The following SCARB2 variants were observed in gnomAD, a reference collection of about 807,000 sequenced individuals.
The protein encoded by SCARB2 is scavenger receptor class B member 2, also known as lysosome membrane protein 2.
In SCARB2, 29 loss-of-function variants were observed where a neutral mutation model predicts 58.6. That is an observed-to-expected ratio of 0.49 (90% CI 0.37 to 0.67). SCARB2 has a LOEUF of 0.67. Ranked by LOEUF, SCARB2 falls within the 30% of genes least tolerant of loss-of-function variation. The pLI is 0.00. For missense variants in SCARB2, 488 were observed against 578.5 expected (o/e 0.84, Z 1.60); for synonymous variants, 195 against 210.1 (o/e 0.93, Z 0.62).
At chr4:76,232,116 G>T (rs1733503109) in intron 1 of SCARB2, among the ~76,000 whole-genome samples, 1 of 152,108 alleles carries the variant, frequency 6.6e-6, no homozygotes, top group Admixed American at 6.6e-5. Flanking sequence ...TTCAAATTTT[G>T]GTTACAGAAG....
chr4:76,181,051 A>G lies in SCARB2; in HGVS notation c.326T>C (p.Ile109Thr). Residue 109 changes from isoleucine to threonine, a missense_variant, in exon 3 of 12, where the codon ATA becomes ACA. Transcript: ENST00000264896. Reference protein sequence around the residue: ...NIQFGDNGTTISAVSNKAYVF... With the variant: ...NIQFGDNGTTTSAVSNKAYVF... Reference sequence around the variant, plus strand: ...ATAGGCCTTGTTGCTAACAGCAGATATTGTTGTTCCATTATCTCCAAATTG... The same window carrying G: ...ATAGGCCTTGTTGCTAACAGCAGATGTTGTTGTTCCATTATCTCCAAATTG... The G allele has an allele frequency of 1.2e-6, 2 of 1,613,586 alleles. No homozygotes were observed. Among genetic ancestry groups the G allele is most frequent in the Non-Finnish European group, 1.7e-6 (2 of 1,179,678 alleles).
chr4:76,170,971 T>TATATATATATATATAA (rs34900504), intron 7 of SCARB2, among the ~76,000 whole-genome samples: 1,408 of 133,600 alleles, frequency 0.011, 32 homozygotes, highest in Admixed American at 0.04. Flanking sequence ...TATATATATA[T>TATATATATATATATAA]AACCAAATAG....
At chr4:76,178,147 G>GAA (rs1732291093) in intron 4 of SCARB2, among the ~76,000 whole-genome samples, 2 of 152,132 alleles carry the variant, frequency 1.3e-5, no homozygotes, top group South Asian at 4.1e-4. Context: ...TTCAATTAAG[G>GAA]TTTCTTCAAT....
At chr4:76,171,035 G>A (rs1345522736) in intron 7 of SCARB2, among the ~76,000 whole-genome samples, 2 of 151,102 alleles carry the variant, frequency 1.3e-5, no homozygotes, top group East Asian at 3.9e-4. Context: ...GAAAAGAAGA[G>A]AGGGACCCAA....
intron 10 of SCARB2, chr4:76,163,685 T>C (rs1478044078): frequency 2.4e-6 from 1 of 414,882 alleles, no homozygotes; most frequent in African/African-American, 2.0e-5. Context: ...CAATTCATCC[T>C]TAAAAATCCA....
intron 1 of SCARB2, among the ~76,000 whole-genome samples, chr4:76,223,090 C>T (rs188847456): frequency 6.6e-6 from 1 of 152,296 alleles, no homozygotes; most frequent in East Asian, 1.9e-4. Context: ...TTTGTGGGGG[C>T]TGGTAGCAGA....
chr4:76,161,458 T>C lies in SCARB2; in HGVS notation c.*255A>G, dbSNP rs139285303. The C allele has an allele frequency of 3.1e-3, 1,680 of 549,442 alleles. 4 individuals carry two copies. The highest frequency in any genetic ancestry group is 3.9e-3 in the Non-Finnish European group (1,184 of 305,644). The allele number at this position is 549,442 out of a possible 1,614,324, so 34.0% of individuals were successfully genotyped here. On this transcript the variant is annotated 3_prime_UTR_variant, in exon 12 of 12. Coordinates refer to ENST00000264896, the MANE Select transcript of SCARB2 (RefSeq NM_005506.4). ...GCACCCAACAACAACAAAATTACTA[T>C]ACAAGGGTTTATTAAATACTTGCTA... is the stretch of plus-strand genomic sequence containing the variant.
upstream of SCARB2, among the ~76,000 whole-genome samples, chr4:76,218,358 A>G (rs541694504): frequency 2.7e-4 from 41 of 152,306 alleles, no homozygotes; most frequent in Admixed American, 2.6e-3. Flanking sequence ...CATCATTCCA[A>G]AGTTCTTACA....
At chr4:76,175,261 T>C (rs1732228953) in intron 6 of SCARB2, 1 of 160,344 alleles carries the variant, frequency 6.2e-6, no homozygotes, top group Non-Finnish European at 1.4e-5. Context: ...ATTCCATTCC[T>C]TCTCTGCCTC....
chr4:76,176,602 C>T, intron 4 of SCARB2, 74 bp from the exon 5 acceptor site: 1 of 1,050,686 alleles, frequency 9.5e-7, no homozygotes, highest in Non-Finnish European at 1.5e-6. Flanking sequence ...CTATGGTGCC[C>T]AGTTGTTTGG....
chr4:76,167,025 T>A (rs1732022903), intron 9 of SCARB2, among the ~76,000 whole-genome samples: 1 of 152,150 alleles, frequency 6.6e-6, no homozygotes, highest in Non-Finnish European at 1.5e-5. Flanking sequence ...TTATGCATAG[T>A]TTTGCATCCT....
At chr4:76,220,504 A>G (rs1733288945) in intron 1 of SCARB2, among the ~76,000 whole-genome samples, 1 of 152,156 alleles carries the variant, frequency 6.6e-6, no homozygotes, top group Non-Finnish European at 1.5e-5. Context: ...GCATGCACCT[A>G]TAGTCCCAGC....
chr4:76,174,572 A>G, intron 6 of SCARB2: 1 of 443,554 alleles, frequency 2.3e-6, no homozygotes, highest in Admixed American at 3.5e-5. Context: ...TTAAGATGAT[A>G]ACATTTAGAA....
At chr4:76,166,076 C>G in intron 10 of SCARB2, 174 bp downstream of exon 10, 1 of 735,962 alleles carries the variant, frequency 1.4e-6, no homozygotes, top group South Asian at 1.6e-5. Flanking sequence ...CAAATCAGCT[C>G]TCAGACACAG....
intron 1 of SCARB2, among the ~76,000 whole-genome samples, chr4:76,227,056 T>C (rs1733410946): frequency 6.6e-6 from 1 of 152,114 alleles, no homozygotes; most frequent in Non-Finnish European, 1.5e-5. Context: ...TTATTTCTTT[T>C]CTTCTGCTGG....
At chr4:76,225,542 T>C (rs973307996) in intron 1 of SCARB2, among the ~76,000 whole-genome samples, 5 of 152,222 alleles carry the variant, frequency 3.3e-5, no homozygotes, top group Admixed American at 2.0e-4. Context: ...ATGGCTTTTA[T>C]TACCTTAAGG....
At chr4:76,181,465 T>A (rs1732383288) in intron 2 of SCARB2, among the ~76,000 whole-genome samples, 1 of 152,218 alleles carries the variant, frequency 6.6e-6, no homozygotes, top group African/African-American at 2.4e-5. Context: ...TTAGTTTGAA[T>A]TTCAATTTGT....
At chr4:76,217,956 A>G (rs1043548352), upstream of SCARB2, among the ~76,000 whole-genome samples, 2 of 152,272 alleles carry the variant, frequency 1.3e-5, no homozygotes, top group African/African-American at 4.8e-5. Flanking sequence ...TGTTGATACT[A>G]TACTCAAATG....
chr4:76,202,182 C>T (rs1202283036), intron 1 of SCARB2, among the ~76,000 whole-genome samples: 1 of 152,150 alleles, frequency 6.6e-6, no homozygotes, highest in East Asian at 1.9e-4. Flanking sequence ...TACAAATGTG[C>T]AGAAAAAGTC....
Sources: gnomAD v4.1 joint callset for allele counts (sites outside exome capture counted in the v4.1 genomes callset) on GRCh38, gnomAD v4.1.1 for gene constraint, MANE v1.5 for transcripts, NCBI Gene and HGNC (gene_info 2026-07-23, HGNC 2026-07-21) for gene names.